FIGN: variants seen among roughly 807,000 people sequenced by gnomAD.
FIGN encodes fidgetin, microtubule severing factor.
FIGN carries 11 observed loss-of-function variants against 51.3 expected under a neutral mutation model. The observed-to-expected ratio is 0.21, with a 90% CI of 0.13 to 0.35. FIGN has a LOEUF of 0.35. FIGN is among the 10% of genes least tolerant of loss of function. The probability of loss-of-function intolerance (pLI) is 1.00; values close to 1 mark genes in which losing one functional copy is unlikely to be tolerated. For synonymous variants in FIGN, 407 were observed against 363.2 expected, an observed-to-expected ratio of 1.12 and a Z score of -1.37; for missense variants, 857 against 943.6, an observed-to-expected ratio of 0.91 and a Z score of 1.20.
intron 2 of FIGN, among the ~76,000 whole-genome samples, chr2:163,728,216 G>C (rs1181220174): frequency 6.6e-6 from 1 of 151,574 alleles, no homozygotes; most frequent in Non-Finnish European, 1.5e-5. Context: ...TTTTTTTAAT[G>C]GTCAGCATTT....
At chr2:163,683,462 C>T (rs1369351025) in intron 2 of FIGN, among the ~76,000 whole-genome samples, 1 of 152,130 alleles carries the variant, frequency 6.6e-6, no homozygotes, top group Non-Finnish European at 1.5e-5. Context: ...GCTAGGCTAG[C>T]ATTACTGGGG....
At chr2:163,710,346 A>G (rs939409405) in intron 2 of FIGN, among the ~76,000 whole-genome samples, 2 of 152,210 alleles carry the variant, frequency 1.3e-5, no homozygotes, top group African/African-American at 4.8e-5. Context: ...CGTGGAAATT[A>G]TGAAGATTAG....
intron 2 of FIGN, among the ~76,000 whole-genome samples, chr2:163,728,036 A>G (rs2105367366): frequency 6.6e-6 from 1 of 152,300 alleles, no homozygotes; most frequent in East Asian, 1.9e-4. Flanking sequence ...ATACTGCAAC[A>G]TTAGTGTTAC....
intron 2 of FIGN, among the ~76,000 whole-genome samples, chr2:163,709,575 C>T (rs967663324): frequency 9.9e-5 from 15 of 151,984 alleles, no homozygotes; most frequent in African/African-American, 3.1e-4. Context: ...GGTAATCCTA[C>T]CTTATAAACT....
chr2:163,728,316 A>G (rs1426072081), intron 2 of FIGN, among the ~76,000 whole-genome samples: 1 of 151,980 alleles, frequency 6.6e-6, no homozygotes, highest in African/African-American at 2.4e-5. Context: ...TTGGCAACAG[A>G]GAACCTCCTA....
At chr2:163,661,343 G>C (rs543876821) in intron 2 of FIGN, among the ~76,000 whole-genome samples, 1 of 151,792 alleles carries the variant, frequency 6.6e-6, no homozygotes, top group African/African-American at 2.4e-5. Flanking sequence ...GGGTTCAAGC[G>C]ATTCTTCCAT....
Position 163,602,758 on chromosome 2 carries a change from A to G in FIGN, c.*6794T>C, listed in dbSNP as rs965407415. 3 of 152,052 alleles carry G rather than the reference A, an allele frequency of 2.0e-5. No individual in the cohort carries two copies. The highest frequency in any genetic ancestry group is 4.4e-5 in the Non-Finnish European group (3 of 67,972). 9.4% of individuals were successfully genotyped at this position (152,052 alleles called of 1,614,324 possible). On this transcript the variant is annotated 3_prime_UTR_variant, in exon 3 of 3. Transcript: ENST00000333129. ...CTTGAACCACATTTTTAATTCTTCAATGGTTACTACTGAAACTAGTTATTC... is the reference window on the plus strand; with the variant it reads ...CTTGAACCACATTTTTAATTCTTCAGTGGTTACTACTGAAACTAGTTATTC...
At chr2:163,674,335 G>A (rs1009288082) in intron 2 of FIGN, among the ~76,000 whole-genome samples, 10 of 152,180 alleles carry the variant, frequency 6.6e-5, no homozygotes, top group Admixed American at 2.0e-4. Flanking sequence ...CTTTTCTAAT[G>A]TAGAGATCTG....
At chr2:163,680,022 T>C (rs532841693) in intron 2 of FIGN, among the ~76,000 whole-genome samples, 1 of 152,332 alleles carries the variant, frequency 6.6e-6, no homozygotes, top group Non-Finnish European at 1.5e-5. Context: ...ACTGTAAGTC[T>C]AGGACATAAA....
intron 2 of FIGN, among the ~76,000 whole-genome samples, chr2:163,669,375 C>T (rs989542088): frequency 1.3e-5 from 2 of 152,114 alleles, no homozygotes; most frequent in African/African-American, 4.8e-5. Flanking sequence ...CCATGCCCAG[C>T]TAATATTTGC....
rs142581358 is a variant in FIGN at position 163,653,501 on chromosome 2, T to C, written c.26-41695A>G. On this transcript the variant is annotated intron_variant, in intron 2 of 2. Transcript: ENST00000333129. ...CTCTGTTTAAAGTTTAATACATTGTTGTTTCTGTTAAGGGGAAAGTTATGT... is the reference window on the plus strand; with the variant it reads ...CTCTGTTTAAAGTTTAATACATTGTCGTTTCTGTTAAGGGGAAAGTTATGT... Among the ~76,000 whole-genome samples, 198 of 152,234 alleles carry C rather than the reference T, an allele frequency of 1.3e-3. 1 individual carries two copies. Among genetic ancestry groups the C allele is most frequent in the African/African-American group, 4.7e-3 (195 of 41,576 alleles).
chr2:163,685,780 A>C (rs1684137463), intron 2 of FIGN, among the ~76,000 whole-genome samples: 1 of 152,240 alleles, frequency 6.6e-6, no homozygotes, highest in South Asian at 2.1e-4. Flanking sequence ...CTAGGAAGCC[A>C]AACCCAGGTG....
rs145775607 is a variant in FIGN, at chr2:163,633,388, A to G, written c.26-21582T>C. On this transcript the variant is annotated intron_variant, in intron 2 of 2. Transcript: ENST00000333129. ...TTCCTCAACGTCCTATATTATTTCC[A>G]TCTTTCAAATAAATAAACTAAAGTA... Among the ~76,000 whole-genome samples, 51 of 152,216 alleles carry G rather than the reference A, an allele frequency of 3.4e-4. No individual in the cohort carries two copies. The East Asian group carries it at 8.9e-3, about 27-fold the overall frequency.
chr2:163,731,712 C>T (rs1331746351), intron 2 of FIGN, among the ~76,000 whole-genome samples: 1 of 142,982 alleles, frequency 7.0e-6, no homozygotes, highest in Non-Finnish European at 1.5e-5. Flanking sequence ...ACTCTATTTT[C>T]AGAAAAAAAA....
At chr2:163,712,180 G>T (rs756765219) in intron 2 of FIGN, among the ~76,000 whole-genome samples, 4 of 152,116 alleles carry the variant, frequency 2.6e-5, no homozygotes, top group African/African-American at 7.2e-5. Flanking sequence ...AAGAAAAAAG[G>T]CCACTGAAGC....
intron 2 of FIGN, among the ~76,000 whole-genome samples, chr2:163,675,178 G>A (rs957338196): frequency 2.6e-5 from 4 of 152,162 alleles, no homozygotes; most frequent in Non-Finnish European, 5.9e-5. Flanking sequence ...ATGTAATAGG[G>A]CCTGGATAAA....
chr2:163,692,541 T>C (rs1037767179), intron 2 of FIGN, among the ~76,000 whole-genome samples: 2 of 152,190 alleles, frequency 1.3e-5, no homozygotes, highest in African/African-American at 4.8e-5. Context: ...GGAAAAGATG[T>C]TTAAAAAGTT....
chr2:163,635,473 A>T (rs965049181), intron 2 of FIGN, among the ~76,000 whole-genome samples: 3 of 152,162 alleles, frequency 2.0e-5, no homozygotes, highest in African/African-American at 7.2e-5. Context: ...AAGAGGCTGA[A>T]GTGAGAGGAT....
intron 2 of FIGN, among the ~76,000 whole-genome samples, chr2:163,731,132 G>C (rs759590545): frequency 3.3e-5 from 5 of 152,176 alleles, no homozygotes; most frequent in Admixed American, 6.5e-5. Flanking sequence ...CAAAAACAGG[G>C]AAGTATTAGC....
Sources: gnomAD v4.1 joint callset for allele counts (sites outside exome capture counted in the v4.1 genomes callset) on GRCh38, gnomAD v4.1.1 for gene constraint, MANE v1.5 for transcripts, NCBI Gene and HGNC (gene_info 2026-07-23, HGNC 2026-07-21) for gene names.